The following SAMD12 variants were observed in gnomAD, a reference collection of about 807,000 sequenced individuals.
The protein encoded by SAMD12 is sterile alpha motif domain-containing protein 12.
SAMD12 carries 9 observed loss-of-function variants against 15.0 expected under a neutral mutation model. That is an observed-to-expected ratio of 0.60 (90% confidence interval 0.36 to 1.05). SAMD12 has a LOEUF of 1.05. Among genes scored for constraint, SAMD12 ranks in the 50% least tolerant of loss-of-function variants. The pLI is 0.01. For missense variants in SAMD12, 230 were observed against 234.2 expected (o/e 0.98, Z 0.12); for synonymous variants, 86 against 90.1 (o/e 0.96, Z 0.25).
At chr8:118,466,663 A>G (rs1823604319) in intron 2 of SAMD12, among the ~76,000 whole-genome samples, 1 of 152,232 alleles carries the variant, frequency 6.6e-6, no homozygotes, top group Non-Finnish European at 1.5e-5. Flanking sequence ...CTATTTAAGC[A>G]GGTCTGTAAC....
At chr8:118,237,379 T>C (rs1188013949) in intron 4 of SAMD12, among the ~76,000 whole-genome samples, 2 of 152,232 alleles carry the variant, frequency 1.3e-5, no homozygotes, top group Admixed American at 1.3e-4. Flanking sequence ...GTTATAACTA[T>C]GACTACTGCA....
At chr8:118,557,706 T>G (rs1826580759) in intron 2 of SAMD12, among the ~76,000 whole-genome samples, 1 of 152,212 alleles carries the variant, frequency 6.6e-6, no homozygotes, top group Non-Finnish European at 1.5e-5. Context: ...TCAAGATCTT[T>G]TAAAAACAGA....
At chr8:118,255,905 T>C (rs1425997269) in intron 4 of SAMD12, among the ~76,000 whole-genome samples, 5 of 152,110 alleles carry the variant, frequency 3.3e-5, no homozygotes, top group Non-Finnish European at 7.4e-5. Context: ...GTATTTCTAG[T>C]TCTAGATCCC....
At chr8:118,202,494 A>AC (rs1157114189) in intron 4 of SAMD12, among the ~76,000 whole-genome samples, 1 of 152,152 alleles carries the variant, frequency 6.6e-6, no homozygotes, top group African/African-American at 2.4e-5. Flanking sequence ...CAAAGGCAGG[A>AC]AGTGACTGGC....
intron 3 of SAMD12, among the ~76,000 whole-genome samples, chr8:118,398,390 ATC>A (rs1820697478): frequency 6.6e-6 from 1 of 152,116 alleles, no homozygotes; most frequent in Non-Finnish European, 1.5e-5. Context: ...CAGAATGAGA[ATC>A]TGTCTCAAAA....
rs939033857 is a variant in SAMD12 at position 118,312,072 on chromosome 8, C to T, written c.433+67488G>A. Among the ~76,000 whole-genome samples, 7 of 152,110 alleles carry T rather than the reference C, an allele frequency of 4.6e-5. No individual in the cohort carries two copies. The East Asian group carries it at 1.4e-3, about 29-fold the overall frequency. ...TTTTGCCTTAGAAATGTGCCCACAT[C>T]TTGCTATTTCCTCTTCATTCCTGGG... On this transcript the variant is annotated intron_variant, in intron 4 of 4. Transcript: ENST00000409003.
chr8:118,140,814 T>A, the SAMD12 span, among the ~76,000 whole-genome samples: 1 of 152,226 alleles, frequency 6.6e-6, no homozygotes, highest in African/African-American at 2.4e-5. Context: ...TAGAGCTTTC[T>A]CCATCTTTCT....
At chr8:118,537,154 T>C (rs1825867923) in intron 2 of SAMD12, among the ~76,000 whole-genome samples, 1 of 152,228 alleles carries the variant, frequency 6.6e-6, no homozygotes, top group South Asian at 2.1e-4. Context: ...CCAGATACAT[T>C]GAAGCTCCTT....
At chr8:118,352,453 T>C (rs1387249586) in intron 4 of SAMD12, among the ~76,000 whole-genome samples, 1 of 151,918 alleles carries the variant, frequency 6.6e-6, no homozygotes, top group Non-Finnish European at 1.5e-5. Flanking sequence ...TATGCTTAGG[T>C]GGTTCAGAAA....
chr8:118,260,291 C>T (rs1813047664), intron 4 of SAMD12, among the ~76,000 whole-genome samples: 1 of 152,016 alleles, frequency 6.6e-6, no homozygotes, highest in Non-Finnish European at 1.5e-5. Context: ...ATTCTTCCTC[C>T]TTCTCCCATC....
At position 118,395,379 on chromosome 8, in the gene SAMD12, C is replaced by T. The variant is rs538875187; in HGVS notation, c.323-15679G>A. Among the ~76,000 whole-genome samples the T allele has an allele frequency of 9.5e-4, 145 of 152,244 alleles. 1 individual carries two copies. The highest frequency in any genetic ancestry group is 3.1e-3 in the African/African-American group (128 of 41,532). On this transcript the variant is annotated intron_variant, in intron 3 of 3. Transcript: ENST00000314727. Reference sequence around the variant, plus strand: ...TTTTCATAATTCTATTATTACAGAACGTGTATCTCAGATACGTAGAGTGAT... The same window carrying T: ...TTTTCATAATTCTATTATTACAGAATGTGTATCTCAGATACGTAGAGTGAT...
chr8:118,462,863 G>A (rs941473814), intron 2 of SAMD12, among the ~76,000 whole-genome samples: 1 of 152,084 alleles, frequency 6.6e-6, no homozygotes, highest in Admixed American at 6.5e-5. Flanking sequence ...AGCACTTTGG[G>A]AGGCCGAGAC....
intron 4 of SAMD12, among the ~76,000 whole-genome samples, chr8:118,267,314 G>T (rs1249961652): frequency 6.6e-6 from 1 of 152,060 alleles, no homozygotes; most frequent in African/African-American, 2.4e-5. Flanking sequence ...AAGTCTTTAT[G>T]ATGCCATGAT....
chr8:118,528,173 C>T (rs1255457176), intron 2 of SAMD12, among the ~76,000 whole-genome samples: 3 of 152,164 alleles, frequency 2.0e-5, no homozygotes, highest in Non-Finnish European at 4.4e-5. Context: ...ATTACAGGCA[C>T]TCGCCACCAT....
At chr8:118,278,917 A>G (rs986819813) in intron 4 of SAMD12, among the ~76,000 whole-genome samples, 1 of 152,182 alleles carries the variant, frequency 6.6e-6, no homozygotes, top group Non-Finnish European at 1.5e-5. Flanking sequence ...GAGGTGATAA[A>G]AGGCTCTAAA....
At chr8:118,426,399 C>T (rs1224677513) in intron 3 of SAMD12, among the ~76,000 whole-genome samples, 1 of 152,138 alleles carries the variant, frequency 6.6e-6, no homozygotes, top group African/African-American at 2.4e-5. Context: ...CTCTTTCACA[C>T]TGAGGAGTTC....
the SAMD12 span, among the ~76,000 whole-genome samples, chr8:118,165,600 A>T: frequency 1.1e-5 from 1 of 91,614 alleles, no homozygotes; most frequent in Non-Finnish European, 2.0e-5. Flanking sequence ...ATATACATAT[A>T]TACATATATA....
At chr8:118,553,377 G>C (rs776514715) in intron 2 of SAMD12, among the ~76,000 whole-genome samples, 4 of 151,696 alleles carry the variant, frequency 2.6e-5, no homozygotes, top group Non-Finnish European at 5.9e-5. Flanking sequence ...AAATAACGCC[G>C]CATATCTACA....
At chr8:118,553,374 G>A (rs936781205) in intron 2 of SAMD12, among the ~76,000 whole-genome samples, 52 of 151,794 alleles carry the variant, frequency 3.4e-4, no homozygotes, top group African/African-American at 4.6e-4. Context: ...CAGAAATAAC[G>A]CCGCATATCT....
Sources: allele counts gnomAD v4.1 joint callset (sites outside exome capture counted in the v4.1 genomes callset), GRCh38; gene constraint gnomAD v4.1.1; transcripts MANE v1.5; gene names NCBI Gene and HGNC (gene_info 2026-07-23, HGNC 2026-07-21).